The following GGACT variants were observed in gnomAD, a reference collection of about 807,000 sequenced individuals.
GGACT encodes the protein gamma-glutamylaminecyclotransferase.
For missense variants in GGACT, 241 were observed against 233.2 expected (o/e 1.03, Z -0.22); for synonymous variants, 118 against 115.3 (o/e 1.02, Z -0.15).
intron 2 of GGACT, among the ~76,000 whole-genome samples, chr13:100,570,585 A>G (rs1489070441): frequency 6.6e-6 from 1 of 152,152 alleles, no homozygotes. Context: ...GACACAGCCA[A>G]ATTATATCAG....
chr13:100,544,327 C>T (rs1391863374), intron 2 of GGACT, among the ~76,000 whole-genome samples: 1 of 152,360 alleles, frequency 6.6e-6, no homozygotes, highest in Admixed American at 6.5e-5. Flanking sequence ...GAGGCGGGCC[C>T]TAAGGTCACT....
chr13:100,581,986 T>C (rs1875433392), intron 2 of GGACT, among the ~76,000 whole-genome samples: 1 of 152,202 alleles, frequency 6.6e-6, no homozygotes, highest in East Asian at 1.9e-4. Flanking sequence ...TTCTATGACA[T>C]TAAGCAAAAA....
rs1316621955 is a variant in GGACT at position 100,585,235 on chromosome 13, T to C, written c.-183-1238A>G. On this transcript the variant is annotated intron_variant, in intron 1 of 2. Coordinates refer to ENST00000683975, the MANE Select transcript of GGACT (RefSeq NM_001195087.2). ...CCGCCAAGGCTGCTCTAGACTTGGG[T>C]CGGCAAACCACAGCCTGCGGGTAAG... Among the ~76,000 whole-genome samples the C allele has an allele frequency of 2.6e-5, 4 of 152,206 alleles. No individual in the cohort carries two copies. In the East Asian group the frequency reaches 7.7e-4, roughly 29 times the overall value.
At chr13:100,577,385 C>T (rs1421490976) in intron 2 of GGACT, among the ~76,000 whole-genome samples, 2 of 150,128 alleles carry the variant, frequency 1.3e-5, no homozygotes, top group Non-Finnish European at 2.9e-5. Flanking sequence ...CATTGCACCC[C>T]ATCCTGGGTG....
chr13:100,548,022 C>T (rs749876760), intron 2 of GGACT, among the ~76,000 whole-genome samples: 5 of 152,244 alleles, frequency 3.3e-5, no homozygotes, highest in South Asian at 2.1e-4. Context: ...CCCGGGCAGC[C>T]GGGAAAAGCC....
intron 1 of GGACT, 174 bp downstream of exon 1, chr13:100,588,567 C>T (rs1311216022): frequency 6.6e-6 from 1 of 152,062 alleles, no homozygotes; most frequent in Non-Finnish European, 1.5e-5. Context: ...GCTGGCCTCG[C>T]CGGCCGGCGG....
At chr13:100,569,177 T>C (rs577724693) in intron 2 of GGACT, among the ~76,000 whole-genome samples, 67 of 152,386 alleles carry the variant, frequency 4.4e-4, no homozygotes, top group African/African-American at 1.6e-3. Context: ...ACAGCTCTAC[T>C]AGGCAGTGCC....
chr13:100,539,154 G>C (rs1034566981), intron 2 of GGACT: 5 of 152,208 alleles, frequency 3.3e-5, no homozygotes, highest in Non-Finnish European at 7.3e-5. Flanking sequence ...TTTACAAATA[G>C]AGTTAATTTT....
intron 2 of GGACT, among the ~76,000 whole-genome samples, chr13:100,581,289 G>C (rs1052981823): frequency 6.6e-6 from 1 of 152,170 alleles, no homozygotes; most frequent in East Asian, 1.9e-4. Flanking sequence ...AGAAACGGCT[G>C]AACCTAAGAC....
At chr13:100,585,993 T>C (rs1875559768) in intron 1 of GGACT, among the ~76,000 whole-genome samples, 2 of 151,926 alleles carry the variant, frequency 1.3e-5, no homozygotes, top group South Asian at 4.2e-4. Context: ...AAAAATAAAA[T>C]AAAATAAAAA....
Position 100,531,104 on chromosome 13 carries a change from C to T in GGACT, c.*1026G>A, listed in dbSNP as rs1354121344. 2 of 152,250 alleles carry T rather than the reference C, an allele frequency of 1.3e-5. No individual in the cohort carries two copies. The highest frequency in any genetic ancestry group is 4.8e-5 in the African/African-American group (2 of 41,460). The allele number at this position is 152,250 out of a possible 1,614,324, so 9.4% of individuals were successfully genotyped here. On this transcript the variant is annotated 3_prime_UTR_variant, in exon 3 of 3. Transcript: ENST00000683975. The stretch of plus-strand genomic sequence containing the variant: ...ATGAGGTTACTAAAGATCACAGCAG[C>T]TGCATTTTCATTTGGTTCTGAAATC...
chr13:100,567,767 A>AT (rs1874947266), intron 2 of GGACT, among the ~76,000 whole-genome samples: 1 of 152,232 alleles, frequency 6.6e-6, no homozygotes, highest in African/African-American at 2.4e-5. Context: ...AACCCAAAGC[A>AT]TATCACAGGA....
At chr13:100,567,641 A>C (rs1874936538) in intron 2 of GGACT, among the ~76,000 whole-genome samples, 1 of 152,234 alleles carries the variant, frequency 6.6e-6, no homozygotes, top group Admixed American at 6.5e-5. Flanking sequence ...GCCTGTATCC[A>C]CATATAAACA....
intron 2 of GGACT, among the ~76,000 whole-genome samples, chr13:100,555,234 G>A (rs2088700390): frequency 6.6e-6 from 1 of 152,180 alleles, no homozygotes; most frequent in African/African-American, 2.4e-5. Flanking sequence ...TGGTAGAAAA[G>A]AAAATTACAG....
chr13:100,557,450 A>G (rs2088718463), intron 2 of GGACT, among the ~76,000 whole-genome samples: 1 of 152,218 alleles, frequency 6.6e-6, no homozygotes, highest in Non-Finnish European at 1.5e-5. Context: ...TACAGAACAG[A>G]GTCCAGAAGT....
chr13:100,531,175 G>T lies in GGACT; in HGVS notation c.*955C>A, dbSNP rs1188282016. 6.6e-6 allele frequency: 1 copy of T among 152,236 alleles called. No individual in the cohort carries two copies. The highest frequency in any genetic ancestry group is 2.4e-5 in the African/African-American group (1 of 41,464). The allele number at this position is 152,236 out of a possible 1,614,324, so 9.4% of individuals were successfully genotyped here. ...TTGCTGGGAAGCAGAAGCAAGAGCC[G>T]TGCACCGAGTTGAATCGATGCTGAC... On this transcript the variant is annotated 3_prime_UTR_variant, in exon 3 of 3. Coordinates refer to ENST00000683975, the MANE Select transcript of GGACT (RefSeq NM_001195087.2).
chr13:100,557,407 T>G (rs570335044), intron 2 of GGACT, among the ~76,000 whole-genome samples: 50 of 152,178 alleles, frequency 3.3e-4, no homozygotes, highest in South Asian at 1.2e-3. Context: ...TTACTTCAAT[T>G]AAAAAACAAA....
chr13:100,546,760 G>A (rs2088609114), intron 2 of GGACT, among the ~76,000 whole-genome samples: 1 of 152,258 alleles, frequency 6.6e-6, no homozygotes, highest in Non-Finnish European at 1.5e-5. Context: ...GCGAGGCTGA[G>A]CTGCGAGTCA....
intron 2 of GGACT, among the ~76,000 whole-genome samples, chr13:100,542,321 G>A (rs2088562894): frequency 1.3e-5 from 2 of 152,198 alleles, no homozygotes; most frequent in South Asian, 4.1e-4. Flanking sequence ...CCTTCATGAC[G>A]CTGTGGAAAC....
Sources: gnomAD v4.1 joint callset for allele counts (sites outside exome capture counted in the v4.1 genomes callset) on GRCh38, gnomAD v4.1.1 for gene constraint, MANE v1.5 for transcripts, NCBI Gene and HGNC (gene_info 2026-07-23, HGNC 2026-07-21) for gene names.